Variants in NUGGC observed in about 807,000 individuals in gnomAD.
NUGGC encodes the protein nuclear GTPase, germinal center associated, also known as nuclear GTPase SLIP-GC.
In NUGGC, 58 loss-of-function variants were observed where a neutral mutation model predicts 92.6. The observed-to-expected ratio is 0.63, with a 90% CI of 0.51 to 0.78. The LOEUF is 0.78. NUGGC is among the 30% of genes least tolerant of loss of function. The pLI is 0.00. For missense variants in NUGGC, 925 were observed against 964.6 expected, an observed-to-expected ratio of 0.96 and a Z score of 0.54; for synonymous variants, 376 against 366.4, an observed-to-expected ratio of 1.03 and a Z score of -0.30.
chr8:28,079,627 T>A (rs1181589647), intron 1 of NUGGC, among the ~76,000 whole-genome samples: 1 of 152,170 alleles, frequency 6.6e-6, no homozygotes, highest in East Asian at 1.9e-4. Flanking sequence ...CATAGTAAGA[T>A]TATGGCAATG....
chr8:28,063,520 A>G (rs1810360441), intron 7 of NUGGC, among the ~76,000 whole-genome samples: 1 of 152,186 alleles, frequency 6.6e-6, no homozygotes, highest in Non-Finnish European at 1.5e-5. Context: ...AAGGACACAG[A>G]GACTGCCTTC....
rs1426881354 is a variant in NUGGC, at chr8:28,023,311, C to T, written c.*6G>A. 1 of 1,611,992 alleles carries T rather than the reference C, an allele frequency of 6.2e-7. No homozygotes were observed. Among genetic ancestry groups the T allele is most frequent in the South Asian group, 1.1e-5 (1 of 90,718 alleles). On this transcript the variant is annotated 3_prime_UTR_variant, in exon 19 of 19. Transcript: ENST00000413272. Reference sequence around the variant, plus strand: ...TTTTTCATCCATTGGGACTAAGCCCCAGGAGTTACAGTGATGTCCCGGGGG... The same window carrying T: ...TTTTTCATCCATTGGGACTAAGCCCTAGGAGTTACAGTGATGTCCCGGGGG...
rs1408142580 is a variant in NUGGC at position 28,023,273 on chromosome 8, G to A, written c.*44C>T. 3.3e-5 allele frequency: 52 copies of A among 1,582,778 alleles called. No homozygotes were observed. The highest frequency in any genetic ancestry group is 4.2e-5 in the Non-Finnish European group (49 of 1,163,646). ...ACAAAAAAAGTAATTCTAATTCTCT[G>A]GCTCTGGGCTGATTTTTCATCCATT... On this transcript the variant is annotated 3_prime_UTR_variant, in exon 19 of 19. Coordinates refer to ENST00000413272, the MANE Select transcript of NUGGC (RefSeq NM_001010906.2).
At position 28,058,340 on chromosome 8, in the gene NUGGC, C is replaced by T. The variant is rs180804357; in HGVS notation, c.1098-64G>A. On this transcript the variant is annotated intron_variant, in intron 8 of 18. Transcript: ENST00000413272. ...TTTACTATGTGTCACTGCAGTCTTT[C>T]GACTTTCCCCAAAAGCAGCACACAC... 2.0e-4 allele frequency: 66 copies of T among 327,160 alleles called. 1 individual carries two copies. The highest frequency in any genetic ancestry group is 1.3e-3 in the African/African-American group (59 of 46,010). The allele number at this position is 327,160 out of a possible 1,614,324, so 20.3% of individuals were successfully genotyped here. A position where few individuals can be genotyped will look rare whatever the true frequency, so the allele number is the denominator to read the frequency against.
intron 12 of NUGGC, among the ~76,000 whole-genome samples, chr8:28,043,661 A>C (rs1278631168): frequency 6.6e-6 from 1 of 152,190 alleles, no homozygotes; most frequent in Non-Finnish European, 1.5e-5. Flanking sequence ...CTGCACTTCC[A>C]TATTAGCAAA....
intron 13 of NUGGC, among the ~76,000 whole-genome samples, chr8:28,037,775 G>T (rs1212910618): frequency 6.6e-6 from 1 of 152,182 alleles, no homozygotes; most frequent in Non-Finnish European, 1.5e-5. Context: ...CCCGGAAATG[G>T]CTATCCCCCT....
rs1809355384 is a variant in NUGGC at position 28,029,413 on chromosome 8, T to G, written c.2018-11A>C. On this transcript the variant is annotated splice_polypyrimidine_tract_variant and intron_variant, in intron 16 of 18. Transcript: ENST00000413272. ...TGATCTGAGCTGCCTCTGGCAAAAA[T>G]GATAGCCACAGTCACACCAAGACAA... 1.2e-6 allele frequency: 2 copies of G among 1,611,312 alleles called. No individual in the cohort carries two copies. Among genetic ancestry groups the G allele is most frequent in the African/African-American group, 2.7e-5 (2 of 74,842 alleles).
chr8:28,057,552 G>A (rs541666286), intron 9 of NUGGC, among the ~76,000 whole-genome samples: 18 of 151,852 alleles, frequency 1.2e-4, no homozygotes, highest in African/African-American at 3.6e-4. Context: ...ATGTTGGTTG[G>A]GCTGGTCTTA....
chr8:28,075,937 C>A (rs1810710942), intron 1 of NUGGC, among the ~76,000 whole-genome samples: 1 of 152,168 alleles, frequency 6.6e-6, no homozygotes, highest in African/African-American at 2.4e-5. Context: ...AACTGCTGAG[C>A]ATTTTAGCAC....
At chr8:28,081,781 G>T (rs549119221) in intron 1 of NUGGC, among the ~76,000 whole-genome samples, 3 of 152,150 alleles carry the variant, frequency 2.0e-5, no homozygotes, top group East Asian at 3.9e-4. Context: ...AGGAGGCTAA[G>T]GCAGAGGAAT....
chr8:28,023,234 C>T lies in NUGGC; in HGVS notation c.*83G>A. On this transcript the variant is annotated 3_prime_UTR_variant, in exon 19 of 19. Transcript: ENST00000413272. ...GCCTGGGCAACAGAGGTAGATAGATCTTGTCTCTTAAGAACAAAAAAAGTA... is the reference window on the plus strand; with the variant it reads ...GCCTGGGCAACAGAGGTAGATAGATTTTGTCTCTTAAGAACAAAAAAAGTA... 2 of 1,451,040 alleles carry T rather than the reference C, an allele frequency of 1.4e-6. No individual in the cohort carries two copies. The highest frequency in any genetic ancestry group is 1.9e-6 in the Non-Finnish European group (2 of 1,079,376). 89.9% of individuals were successfully genotyped at this position (1,451,040 alleles called of 1,614,324 possible). A position where few individuals can be genotyped will look rare whatever the true frequency, so the allele number is the denominator to read the frequency against.
Position 28,036,393 on chromosome 8 carries a change from C to T in NUGGC, c.1612-2696G>A, listed in dbSNP as rs183999720. On this transcript the variant is annotated intron_variant, in intron 13 of 18. Coordinates refer to ENST00000413272, the MANE Select transcript of NUGGC (RefSeq NM_001010906.2). The stretch of plus-strand genomic sequence containing the variant: ...GATATCCTATCACTGTCCTTCTCTC[C>T]ACTCCTCCTCAATCCCATTCACTGG... Among the ~76,000 whole-genome samples, 21 of 151,994 alleles carry T rather than the reference C, an allele frequency of 1.4e-4. No individual in the cohort carries two copies. In the East Asian group the frequency reaches 3.7e-3, roughly 27 times the overall value.
intron 6 of NUGGC, 122 bp downstream of exon 6, chr8:28,067,392 G>C (rs1247030268): frequency 5.9e-6 from 4 of 680,864 alleles, no homozygotes; most frequent in African/African-American, 3.6e-5. Context: ...CTTCTAATTT[G>C]GGTAGCAACT....
At chr8:28,045,429 T>G (rs932433416) in intron 12 of NUGGC, 98 bp downstream of exon 12, 110 of 1,217,412 alleles carry the variant, frequency 9.0e-5, no homozygotes, top group Middle Eastern at 2.9e-4. Context: ...TCCTTTAATA[T>G]GAAAAGAAAA....
intron 1 of NUGGC, among the ~76,000 whole-genome samples, chr8:28,078,080 T>A (rs1316949145): frequency 6.6e-6 from 1 of 152,160 alleles, no homozygotes; most frequent in Admixed American, 6.6e-5. Context: ...CTAGCTGGGG[T>A]TGGTTTGGGT....
chr8:28,082,818 A>G (rs1810883159), intron 1 of NUGGC, among the ~76,000 whole-genome samples: 1 of 152,096 alleles, frequency 6.6e-6, no homozygotes, highest in African/African-American at 2.4e-5. Flanking sequence ...AGGCAGGAGG[A>G]TTACTTGAGC....
chr8:28,051,807 A>C (rs773322715), intron 10 of NUGGC, among the ~76,000 whole-genome samples: 4 of 152,178 alleles, frequency 2.6e-5, no homozygotes, highest in African/African-American at 4.8e-5. Context: ...CTGTAATCCC[A>C]GCTACTTGGG....
At chr8:28,033,410 GGACTA>G (rs67116618) in intron 14 of NUGGC, 125 bp downstream of exon 14, 169,246 of 901,028 alleles carry the variant, frequency 0.19, 15,797 homozygotes, top group East Asian at 0.25. Flanking sequence ...GTTTTGCCAA[GGACTA>G]AGGTTTCCTT....
chr8:28,056,584 AT>A (rs1810147238), intron 9 of NUGGC, among the ~76,000 whole-genome samples: 1 of 152,084 alleles, frequency 6.6e-6, no homozygotes, highest in South Asian at 2.1e-4. Flanking sequence ...AGATTTGAAG[AT>A]TTGCAACAAT....
Sources: gnomAD v4.1 joint callset for allele counts (sites outside exome capture counted in the v4.1 genomes callset) on GRCh38, gnomAD v4.1.1 for gene constraint, MANE v1.5 for transcripts, NCBI Gene and HGNC (gene_info 2026-07-23, HGNC 2026-07-21) for gene names.